Variants in COL4A6 observed in about 807,000 individuals in gnomAD.
The protein encoded by COL4A6 is collagen type IV alpha 6 chain.
In COL4A6, 59 loss-of-function variants were observed where a neutral mutation model predicts 126.7. The ratio of observed to expected loss-of-function variants is 0.47; its 90% CI spans 0.38 to 0.58. The LOEUF is 0.58. Ranked by LOEUF, COL4A6 falls within the 20% of genes least tolerant of loss-of-function variation. The probability of loss-of-function intolerance (pLI) is 0.00; values close to 1 mark genes in which losing one functional copy is unlikely to be tolerated. For synonymous variants in COL4A6, 547 were observed against 496.6 expected (o/e 1.10, Z -1.35); for missense variants, 1,285 against 1,337.3 (o/e 0.96, Z 0.61).
chrX:108,355,353 C>G (rs1343155944), intron 2 of COL4A6, among the ~76,000 whole-genome samples: 1 of 112,249 alleles, frequency 8.9e-6, no homozygotes, highest in Non-Finnish European at 1.9e-5. Context: ...AGTTTCTACA[C>G]CTAGAAGCAC....
chrX:108,392,084 G>A lies in COL4A6; in HGVS notation c.63+45858C>T, dbSNP rs1012202926. Among the ~76,000 whole-genome samples, 3 of 111,878 alleles carry A rather than the reference G, an allele frequency of 2.7e-5. No individual in the cohort carries two copies. In the Admixed American group the frequency reaches 2.9e-4, roughly 11 times the overall value. ...TATCCACATGCAAGAGAATGAACTC[G>A]GACTGCTACATCACACAATATGTAA... On this transcript the variant is annotated intron_variant, in intron 2 of 44. Transcript: ENST00000334504.
chrX:108,371,429 C>T (rs1036080575), intron 2 of COL4A6, among the ~76,000 whole-genome samples: 1 of 109,421 alleles, frequency 9.1e-6, no homozygotes, highest in African/African-American at 3.3e-5. Context: ...AACATTTGCA[C>T]ATATATATTA....
rs140158660 is a variant in COL4A6 at position 108,312,186 on chromosome X, C to T, written c.64-1358G>A. ...GGCATATTTATGAGCTGACCTCACA[C>T]TTAATCATTCTTGCCTCTGTGTACT... On this transcript the variant is annotated intron_variant, in intron 2 of 44. Transcript: ENST00000334504. Among the ~76,000 whole-genome samples the T allele has an allele frequency of 3.9e-3, 437 of 112,251 alleles. 1 individual carries two copies. The highest frequency in any genetic ancestry group is 0.014 in the African/African-American group (419 of 30,949).
chrX:108,182,379 C>T (rs751882243), intron 23 of COL4A6, among the ~76,000 whole-genome samples: 2 of 112,272 alleles, frequency 1.8e-5, no homozygotes, highest in Non-Finnish European at 3.8e-5. Context: ...GTTAGTGACA[C>T]TGCTTGTAGT....
chrX:108,357,802 A>C (rs1224214184), intron 2 of COL4A6, among the ~76,000 whole-genome samples: 1 of 109,778 alleles, frequency 9.1e-6, no homozygotes, highest in Non-Finnish European at 1.9e-5. Context: ...TTCTTGGAGG[A>C]CTTTTGGGAG....
intron 2 of COL4A6, among the ~76,000 whole-genome samples, chrX:108,344,195 A>G (rs943459579): frequency 1.8e-5 from 2 of 111,313 alleles, no homozygotes; most frequent in African/African-American, 3.3e-5. Flanking sequence ...CACCCCAAAC[A>G]TTAGTTTCCA....
At chrX:108,428,593 G>A (rs991788455) in intron 2 of COL4A6, among the ~76,000 whole-genome samples, 1 of 110,777 alleles carries the variant, frequency 9.0e-6, no homozygotes, top group African/African-American at 3.3e-5. Flanking sequence ...TAGTACTGGG[G>A]TGATGAAATA....
At position 108,175,649 on chromosome X, in the gene COL4A6, C is replaced by T. The variant is rs1315174936; in HGVS notation, c.2830+5G>A. 3 of 1,193,395 alleles carry T rather than the reference C, an allele frequency of 2.5e-6. No individual in the cohort carries two copies. The highest frequency in any genetic ancestry group is 3.4e-6 in the Non-Finnish European group (3 of 889,781). Reference sequence around the variant, plus strand: ...GCAGTTCCAGAATTCAATTCCCCAGCTCACCCTTTTCACCAGGAGTACCAG... The same window carrying T: ...GCAGTTCCAGAATTCAATTCCCCAGTTCACCCTTTTCACCAGGAGTACCAG... On this transcript the variant is annotated splice_donor_5th_base_variant and intron_variant, in intron 29 of 44. Coordinates refer to ENST00000334504, the MANE Select transcript of COL4A6 (RefSeq NM_033641.4).
chrX:108,369,718 A>T (rs889258998), intron 2 of COL4A6, among the ~76,000 whole-genome samples: 12 of 112,247 alleles, frequency 1.1e-4, no homozygotes, highest in African/African-American at 3.9e-4. Context: ...CATATCACAG[A>T]TTGTCAGAGG....
chrX:108,426,043 G>C (rs890022471), intron 2 of COL4A6, among the ~76,000 whole-genome samples: 1 of 110,884 alleles, frequency 9.0e-6, no homozygotes, highest in Non-Finnish European at 1.9e-5. Context: ...GGTGCTAGAC[G>C]GTATTTATGC....
Position 108,156,720 on chromosome X carries a change from A to G in COL4A6, c.*280T>C, listed in dbSNP as rs1569318196. On this transcript the variant is annotated 3_prime_UTR_variant, in exon 45 of 45. Transcript: ENST00000334504. Reference sequence around the variant, plus strand: ...AGTCTAAGACAGTTGTGGCCCATCAAATCTTTCTGAGGTAGCCATGAATAG... The same window carrying G: ...AGTCTAAGACAGTTGTGGCCCATCAGATCTTTCTGAGGTAGCCATGAATAG... 5 of 381,429 alleles carry G rather than the reference A, an allele frequency of 1.3e-5. No homozygotes were observed. Among genetic ancestry groups the G allele is most frequent in the South Asian group, 5.2e-5 (1 of 19,386 alleles). 31.4% of individuals were successfully genotyped at this position (381,429 alleles called of 1,213,427 possible).
intron 2 of COL4A6, among the ~76,000 whole-genome samples, chrX:108,362,034 T>C (rs1031604085): frequency 9.0e-6 from 1 of 110,866 alleles, no homozygotes; most frequent in Non-Finnish European, 1.9e-5. Context: ...CATCTCTAGA[T>C]CTCAATTCCA....
chrX:108,202,480 G>A (rs1791829891), intron 13 of COL4A6, among the ~76,000 whole-genome samples: 1 of 111,917 alleles, frequency 8.9e-6, no homozygotes, highest in Non-Finnish European at 1.9e-5. Context: ...AGTGGAGGTA[G>A]GATTACTAAG....
chrX:108,331,171 A>G (rs1180531169), intron 2 of COL4A6, among the ~76,000 whole-genome samples: 1 of 111,784 alleles, frequency 8.9e-6, no homozygotes, highest in African/African-American at 3.3e-5. Flanking sequence ...ATATTCCCAG[A>G]GCCTAGCACT....
At position 108,292,519 on chromosome X, in the gene COL4A6, G is replaced by T. The variant is rs769517522; in HGVS notation, c.144+18229C>A. On this transcript the variant is annotated intron_variant, in intron 3 of 44. Coordinates refer to ENST00000334504, the MANE Select transcript of COL4A6 (RefSeq NM_033641.4). Reference sequence around the variant, plus strand: ...AAAGGGTCATCTTCTCCCGCTTGTTGCATTTTCTCTTCTAGATGAAGGGAA... The same window carrying T: ...AAAGGGTCATCTTCTCCCGCTTGTTTCATTTTCTCTTCTAGATGAAGGGAA... 2.7e-5 allele frequency among the ~76,000 whole-genome samples: 3 copies of T among 111,747 alleles called. No homozygotes were observed. The South Asian group carries it at 1.1e-3, about 42-fold the overall frequency.
Position 108,190,452 on chromosome X carries a change from A to T in COL4A6, c.1366T>A (p.Phe456Ile), listed in dbSNP as rs776317577. 6 of 1,206,475 alleles carry T rather than the reference A, an allele frequency of 5.0e-6. No homozygotes were observed. The Admixed American group carries it at 1.3e-4, about 26-fold the overall frequency. ...CCTTGTTCTCCTCGGAGACCAGGGA[A>T]CCCTGACTCTTTGTTGTGTAGAGTT... ...TETLHNKESG[F>I]PGLRGEQGPK... Residue 456 changes from phenylalanine to isoleucine, a missense_variant, in exon 20 of 45, where the codon TTC (phenylalanine) becomes ATC (isoleucine). Transcript: ENST00000334504.
chrX:108,156,851 A>G lies in COL4A6; in HGVS notation c.*149T>C. 2 of 572,291 alleles carry G rather than the reference A, an allele frequency of 3.5e-6. No homozygotes were observed. The highest frequency in any genetic ancestry group is 5.6e-4 in the Middle Eastern group (1 of 1,799). The allele number at this position is 572,291 out of a possible 1,213,427, so 47.2% of individuals were successfully genotyped here. ...TATGGACCCGAGGGCTGGGGTGACG[A>G]GTGTCCGGTAGTCTAGCCCAAATGA... On this transcript the variant is annotated 3_prime_UTR_variant, in exon 45 of 45. Transcript: ENST00000334504.
At chrX:108,195,275 C>CTT (rs5903312) in intron 14 of COL4A6, 149 bp from the exon 15 acceptor site, 8,185 of 270,090 alleles carry the variant, frequency 0.03, 1 homozygote, top group Non-Finnish European at 0.038. Context: ...AGCTTAACGA[C>CTT]TTTTTTTTTT....
At chrX:108,298,415 A>T (rs918775566) in intron 3 of COL4A6, among the ~76,000 whole-genome samples, 2 of 111,728 alleles carry the variant, frequency 1.8e-5, no homozygotes, top group African/African-American at 6.5e-5. Context: ...GGCAGGGGGA[A>T]TTTCTGTCGC....
Sources: allele counts gnomAD v4.1 joint callset (sites outside exome capture counted in the v4.1 genomes callset), GRCh38; gene constraint gnomAD v4.1.1; transcripts MANE v1.5; gene names NCBI Gene and HGNC (gene_info 2026-07-23, HGNC 2026-07-21).